The following ANO3 variants were observed in gnomAD, a reference collection of about 807,000 sequenced individuals.
The protein encoded by ANO3 is anoctamin-3.
Under a neutral mutation model 144.8 loss-of-function variants are expected in ANO3, and 99 were observed. The ratio of observed to expected loss-of-function variants is 0.68; its 90% CI spans 0.58 to 0.81. ANO3 has a LOEUF of 0.81. Ranked by LOEUF, ANO3 falls within the 30% of genes least tolerant of loss-of-function variation. ANO3 has a pLI of 0.00. For synonymous variants in ANO3, 414 were observed against 392.6 expected, an observed-to-expected ratio of 1.05 and a Z score of -0.64; for missense variants, 905 against 1,202.2, an observed-to-expected ratio of 0.75 and a Z score of 3.66.
upstream of ANO3, among the ~76,000 whole-genome samples, chr11:26,304,608 A>G (rs983134469): frequency 6.6e-6 from 1 of 152,164 alleles, no homozygotes; most frequent in African/African-American, 2.4e-5. Context: ...CCATTTGATA[A>G]CTTATTTTTT....
chr11:26,660,709 T>C lies in ANO3; in HGVS notation c.*265T>C, dbSNP rs1853853155. ...TCTCAGAACCAGTCTCAGGGAGATA[T>C]ATGCTTGGAGAACTCTGCCTTCCAT... On this transcript the variant is annotated 3_prime_UTR_variant, in exon 27 of 27. Transcript: ENST00000256737. 2 of 354,884 alleles carry C rather than the reference T, an allele frequency of 5.6e-6. No individual in the cohort carries two copies. The highest frequency in any genetic ancestry group is 2.1e-5 in the African/African-American group (1 of 46,794). 22.0% of individuals were successfully genotyped at this position (354,884 alleles called of 1,614,324 possible).
intron 7 of ANO3, among the ~76,000 whole-genome samples, chr11:26,530,513 T>C (rs1849341330): frequency 7.4e-6 from 1 of 135,390 alleles, no homozygotes; most frequent in South Asian, 2.3e-4. Context: ...TCTATCTATC[T>C]ACATGTATAC....
At chr11:26,346,416 T>C (rs1180300482) in intron 1 of ANO3, among the ~76,000 whole-genome samples, 1 of 152,222 alleles carries the variant, frequency 6.6e-6, no homozygotes, top group Non-Finnish European at 1.5e-5. Context: ...TATCTCACTT[T>C]TTATAGGATG....
At chr11:26,544,006 A>C (rs2134209712) in intron 11 of ANO3, among the ~76,000 whole-genome samples, 1 of 151,784 alleles carries the variant, frequency 6.6e-6, no homozygotes, top group South Asian at 2.1e-4. Flanking sequence ...AGAAATGATC[A>C]GATTTTATTT....
intron 1 of ANO3, among the ~76,000 whole-genome samples, chr11:26,221,334 G>A (rs1230793458): frequency 6.6e-6 from 1 of 152,166 alleles, no homozygotes; most frequent in Non-Finnish European, 1.5e-5. Flanking sequence ...TGTGGCATAA[G>A]GAAGTCTCGT....
upstream of ANO3, among the ~76,000 whole-genome samples, chr11:26,329,216 G>T (rs376110752): frequency 6.4e-4 from 97 of 151,744 alleles, no homozygotes; most frequent in African/African-American, 2.3e-3. Flanking sequence ...CCCCAACACA[G>T]AATTTTTATT....
chr11:26,615,414 A>ATATATATATATATATTTTT (rs1352935016), intron 17 of ANO3, among the ~76,000 whole-genome samples: 1 of 130,700 alleles, frequency 7.7e-6, no homozygotes, highest in African/African-American at 3.0e-5. Flanking sequence ...ATATATATAT[A>ATATATATATATATATTTTT]TTTTTTTTTT....
At chr11:26,243,175 C>A (rs1045176618) in intron 1 of ANO3, among the ~76,000 whole-genome samples, 1 of 152,102 alleles carries the variant, frequency 6.6e-6, no homozygotes, top group African/African-American at 2.4e-5. Flanking sequence ...AGCTAAAAAA[C>A]AATACACGTT....
chr11:26,414,320 G>A (rs534816813), intron 1 of ANO3, among the ~76,000 whole-genome samples: 2 of 152,140 alleles, frequency 1.3e-5, no homozygotes, highest in East Asian at 3.9e-4. Context: ...ATTTTCAATA[G>A]CAAAGACATG....
Position 26,583,940 on chromosome 11 carries a change from T to C in ANO3, c.1448-14425T>C, listed in dbSNP as rs572329302. On this transcript the variant is annotated intron_variant, in intron 14 of 26. Coordinates refer to ENST00000256737, the MANE Select transcript of ANO3 (RefSeq NM_031418.4). ...AAAACAATGCTTGGAGTTCCTTTTT[T>C]CTCCGTATTCAGACATATTTAGCTT... 2.6e-5 allele frequency among the ~76,000 whole-genome samples: 4 copies of C among 152,302 alleles called. No individual in the cohort carries two copies. The South Asian group carries it at 8.3e-4, about 32-fold the overall frequency.
rs144643051 is a variant in ANO3 at position 26,250,469 on chromosome 11, G to T, written c.155-59176G>T. Among the ~76,000 whole-genome samples, 10 of 152,156 alleles carry T rather than the reference G, an allele frequency of 6.6e-5. No homozygotes were observed. In the East Asian group the frequency reaches 1.9e-3, roughly 29 times the overall value. Reference sequence around the variant, plus strand: ...CAGTTAAATGGTTAAATTTCCAAAGGACACTATTTTACGGTATTTCTATTA... The same window carrying T: ...CAGTTAAATGGTTAAATTTCCAAAGTACACTATTTTACGGTATTTCTATTA... On this transcript the variant is annotated intron_variant, in intron 1 of 27. Coordinates refer to the ANO3 transcript ENST00000672621.
intron 1 of ANO3, among the ~76,000 whole-genome samples, chr11:26,355,418 T>G (rs76965360): frequency 0.032 from 4,870 of 152,236 alleles, 229 homozygotes; most frequent in African/African-American, 0.1. Flanking sequence ...CTAATATCAT[T>G]CTGGATCATA....
At chr11:26,548,844 C>T (rs1006389081) in intron 12 of ANO3, among the ~76,000 whole-genome samples, 6 of 151,762 alleles carry the variant, frequency 4.0e-5, no homozygotes, top group South Asian at 4.1e-4. Context: ...CAAACTTCGG[C>T]CCACCGGAAA....
intron 3 of ANO3, among the ~76,000 whole-genome samples, chr11:26,451,444 G>T (rs796661770): frequency 1.3e-5 from 2 of 152,200 alleles, no homozygotes; most frequent in Non-Finnish European, 2.9e-5. Flanking sequence ...TCCTGCACCT[G>T]GCTCGGAGGG....
intron 1 of ANO3, among the ~76,000 whole-genome samples, chr11:26,301,854 G>T (rs969514614): frequency 2.0e-5 from 3 of 152,158 alleles, no homozygotes; most frequent in Non-Finnish European, 4.4e-5. Flanking sequence ...AGACAAGGAG[G>T]CTCAAAGTGA....
At chr11:26,541,747 T>G (rs527525612) in intron 10 of ANO3, among the ~76,000 whole-genome samples, 200 bp from the exon 11 acceptor site, 1 of 152,238 alleles carries the variant, frequency 6.6e-6, no homozygotes, top group Admixed American at 6.5e-5. Context: ...TAATAAAAGA[T>G]TTTTAATAAC....
chr11:26,358,096 A>G (rs547356488), intron 1 of ANO3, among the ~76,000 whole-genome samples: 10 of 151,946 alleles, frequency 6.6e-5, no homozygotes, highest in Admixed American at 3.3e-4. Flanking sequence ...ATTTAGCAAT[A>G]CTTCAAATTT....
chr11:26,585,574 G>GT (rs5790594), intron 14 of ANO3, among the ~76,000 whole-genome samples: 39,977 of 151,892 alleles, frequency 0.26, 5,752 homozygotes, highest in African/African-American at 0.38. Context: ...CATTTCTGCT[G>GT]TTTTTTCTAC....
At chr11:26,474,013 G>A in intron 4 of ANO3, 1 of 985,116 alleles carries the variant, frequency 1.0e-6, no homozygotes, top group Non-Finnish European at 1.2e-6. Context: ...AGCAGGCGGT[G>A]AAAGGGAGAA....
Sources: gnomAD v4.1 joint callset for allele counts (sites outside exome capture counted in the v4.1 genomes callset) on GRCh38, gnomAD v4.1.1 for gene constraint, MANE v1.5 for transcripts, NCBI Gene and HGNC (gene_info 2026-07-23, HGNC 2026-07-21) for gene names.